PSME3IP1: variants seen among roughly 807,000 people sequenced by gnomAD.
PSME3IP1 encodes the protein PSME3-interacting protein.
A neutral mutation model predicts 34.1 loss-of-function variants in PSME3IP1; 13 were observed. The observed-to-expected ratio is 0.38, with a 90% CI of 0.25 to 0.61. The LOEUF (loss-of-function observed/expected upper bound fraction) is 0.61, where lower values mean the gene tolerates loss of function less well. PSME3IP1 is among the 20% of genes least tolerant of loss of function. The pLI, the probability that PSME3IP1 is intolerant of heterozygous loss-of-function variation, is 0.60. For synonymous variants in PSME3IP1, 93 were observed against 114.3 expected, an observed-to-expected ratio of 0.81 and a Z score of 1.19; for missense variants, 237 against 301.4, an observed-to-expected ratio of 0.79 and a Z score of 1.58.
At chr16:57,185,421 G>A (rs1245420102) in intron 1 of PSME3IP1, 4 of 757,690 alleles carry the variant, frequency 5.3e-6, no homozygotes, top group Non-Finnish European at 6.4e-6. Flanking sequence ...TTCCCATCCT[G>A]CACTGCCATT....
intron 6 of PSME3IP1, among the ~76,000 whole-genome samples, chr16:57,160,670 G>A (rs2071124495): frequency 6.6e-6 from 1 of 152,192 alleles, no homozygotes; most frequent in Non-Finnish European, 1.5e-5. Context: ...ATATACCCAT[G>A]CAATATACAA....
At position 57,154,543 on chromosome 16, in the gene PSME3IP1, C is replaced by A. The variant is rs1472903437; in HGVS notation, c.548-36G>T. ...AGGGGAAAGACTGTCACTTCATCACCCTTTTCCAAAGTTGGGGACTGACTT... is the reference window on the plus strand; with the variant it reads ...AGGGGAAAGACTGTCACTTCATCACACTTTTCCAAAGTTGGGGACTGACTT... On this transcript the variant is annotated intron_variant, in intron 6 of 6. Coordinates refer to ENST00000309137, the MANE Select transcript of PSME3IP1 (RefSeq NM_024946.4). This position sits in a 1 kb window ranked among gnomAD's most constrained non-coding sequence, Gnocchi z 4.0. 3 of 1,532,606 alleles carry A rather than the reference C, an allele frequency of 2.0e-6. No individual in the cohort carries two copies. The highest frequency in any genetic ancestry group is 2.6e-6 in the Non-Finnish European group (3 of 1,134,644). The allele number at this position is 1,532,606 out of a possible 1,614,324, so 94.9% of individuals were successfully genotyped here.
chr16:57,170,185 C>T (rs1597686279), intron 4 of PSME3IP1, among the ~76,000 whole-genome samples: 3 of 151,490 alleles, frequency 2.0e-5, no homozygotes, highest in South Asian at 2.1e-4. Context: ...CAGGTTCAAG[C>T]GATTCTCCTG....
chr16:57,174,356 A>AT (rs2072974156), intron 1 of PSME3IP1: 14 of 784,252 alleles, frequency 1.8e-5, no homozygotes, highest in Non-Finnish European at 2.2e-5. Context: ...ACATGAATAC[A>AT]TTTTTCCTGA....
intron 6 of PSME3IP1, among the ~76,000 whole-genome samples, chr16:57,161,372 G>A (rs2071206004): frequency 6.6e-6 from 1 of 152,082 alleles, no homozygotes; most frequent in African/African-American, 2.4e-5. Flanking sequence ...ATGGTCAACT[G>A]ATTTTTAAAA....
chr16:57,160,817 A>T (rs1205462253), intron 6 of PSME3IP1, among the ~76,000 whole-genome samples: 1 of 152,238 alleles, frequency 6.6e-6, no homozygotes, highest in African/African-American at 2.4e-5. Context: ...GAAAGTATGA[A>T]AACAGTATAT....
chr16:57,172,473 A>T (rs923995841), intron 3 of PSME3IP1, 101 bp from the exon 4 acceptor site: 4 of 728,440 alleles, frequency 5.5e-6, no homozygotes, highest in African/African-American at 1.9e-5. Context: ...TCAGGGGATT[A>T]AAAAAAAAAG....
Position 57,185,896 on chromosome 16 carries a change from T to A in PSME3IP1, c.-91A>T, listed in dbSNP as rs1021218442. ...AAACCGCCACCGCAGAGCCGCTCGCTCTTAAAAAAGAAAAAAAAATGAAAG... is the reference window on the plus strand; with the variant it reads ...AAACCGCCACCGCAGAGCCGCTCGCACTTAAAAAAGAAAAAAAAATGAAAG... On this transcript the variant is annotated 5_prime_UTR_variant, in exon 1 of 7. Transcript: ENST00000309137. The A allele has an allele frequency of 1.4e-4, 133 of 978,394 alleles. No individual in the cohort carries two copies. The highest frequency in any genetic ancestry group is 7.6e-4 in the South Asian group (16 of 21,096). 60.6% of individuals were successfully genotyped at this position (978,394 alleles called of 1,614,324 possible). A position where few individuals can be genotyped will look rare whatever the true frequency, so the allele number is the denominator to read the frequency against.
chr16:57,180,504 C>T (rs1295661437), intron 1 of PSME3IP1, among the ~76,000 whole-genome samples: 1 of 151,898 alleles, frequency 6.6e-6, no homozygotes, highest in Non-Finnish European at 1.5e-5. Context: ...GCAGGAGAAT[C>T]GCTTGAACCC....
rs201042159 is a variant in PSME3IP1, at chr16:57,167,126, G to A, written c.449C>T (p.Ala150Val). Reference sequence around the variant, plus strand: ...CTTCACAGCTCCTGCCAACAGCTTCGCCTGGGAGAACTTGTTCTTGGTTTC... The same window carrying A: ...CTTCACAGCTCCTGCCAACAGCTTCACCTGGGAGAACTTGTTCTTGGTTTC... Reference protein sequence around the residue: ...PIETKNKFSQAKLLAGAVKHK... With the variant: ...PIETKNKFSQVKLLAGAVKHK... The change falls in exon 5 of 7, where the codon GCG (alanine) becomes GTG (valine). Residue 150 changes from alanine to valine, a missense_variant. Ala to Val is a moderately conservative substitution (Grantham distance 64). Transcript: ENST00000309137. The A allele has an allele frequency of 1.7e-5, 27 of 1,613,880 alleles. No homozygotes were observed. Among genetic ancestry groups the A allele is most frequent in the South Asian group, 4.4e-5 (4 of 91,082 alleles).
chr16:57,167,226 T>C lies in PSME3IP1; in HGVS notation c.349A>G (p.Asn117Asp). 2 of 1,614,232 alleles carry C rather than the reference T, an allele frequency of 1.2e-6. No homozygotes were observed. Among genetic ancestry groups the C allele is most frequent in the Non-Finnish European group, 1.7e-6 (2 of 1,180,042 alleles). The change falls in exon 5 of 7, where the codon AAT becomes GAT. Residue 117 changes from asparagine to aspartate, a missense_variant and splice_region_variant. Physicochemically the swap from Asn to Asp is conservative, Grantham distance 23. Coordinates refer to ENST00000309137, the MANE Select transcript of PSME3IP1 (RefSeq NM_024946.4). ...GAAATTCCAACCTTCTTGAGGTTAT[T>C]GTGAGTTACCAGTTAAGGGTCAAAC... ...EELKELKEYR[N>D]NLKKVGISQE...
At chr16:57,156,628 C>CA (rs373230961) in intron 6 of PSME3IP1, among the ~76,000 whole-genome samples, 77 of 151,220 alleles carry the variant, frequency 5.1e-4, no homozygotes, top group African/African-American at 1.7e-3. Flanking sequence ...AGCAAGGCTA[C>CA]AAAAAAAAGG....
At position 57,171,217 on chromosome 16, in the gene PSME3IP1, G is replaced by C. The variant is rs1440660149; in HGVS notation, c.348+1034C>G. Reference sequence around the variant, plus strand: ...CAGAACATTTTGGGCTGAGGAAACAGCAAGTCTGAGGCCCTGAGATTGACT... The same window carrying C: ...CAGAACATTTTGGGCTGAGGAAACACCAAGTCTGAGGCCCTGAGATTGACT... On this transcript the variant is annotated intron_variant, in intron 4 of 6. Coordinates refer to ENST00000309137, the MANE Select transcript of PSME3IP1 (RefSeq NM_024946.4). 3.3e-5 allele frequency among the ~76,000 whole-genome samples: 5 copies of C among 152,282 alleles called. No individual in the cohort carries two copies. In the East Asian group the frequency reaches 9.6e-4, roughly 29 times the overall value.
chr16:57,162,430 C>T (rs946269306), intron 6 of PSME3IP1, among the ~76,000 whole-genome samples: 10 of 151,760 alleles, frequency 6.6e-5, no homozygotes, highest in Admixed American at 2.0e-4. Flanking sequence ...TTTGGGAGGC[C>T]GAGGCAGGTG....
At chr16:57,179,557 G>A (rs1268163390) in intron 1 of PSME3IP1, among the ~76,000 whole-genome samples, 1 of 152,124 alleles carries the variant, frequency 6.6e-6, no homozygotes, top group Non-Finnish European at 1.5e-5. Flanking sequence ...TTCCTAACTT[G>A]AAAAATGACT....
At chr16:57,174,829 A>C (rs2073021956) in intron 1 of PSME3IP1, 1 of 322,578 alleles carries the variant, frequency 3.1e-6, no homozygotes, top group African/African-American at 2.3e-5. Context: ...CCTCCCTGTA[A>C]ACCCCTTGTC....
chr16:57,167,154 T>G lies in PSME3IP1; in HGVS notation c.421A>C (p.Ile141Leu), dbSNP rs143746498. Residue 141 changes from isoleucine (I) to leucine (L), a missense_variant, in exon 5 of 7, where the codon ATA (isoleucine) becomes CTA (leucine). By Grantham distance (5) the Ile-to-Leu change is conservative (BLOSUM62 2). Coordinates refer to ENST00000309137, the MANE Select transcript of PSME3IP1 (RefSeq NM_024946.4). Reference sequence around the variant, plus strand: ...TGGGAGAACTTGTTCTTGGTTTCTATAGGCTTCACAGTCAGTTTCTTTTCC... The same window carrying G: ...TGGGAGAACTTGTTCTTGGTTTCTAGAGGCTTCACAGTCAGTTTCTTTTCC... ...EVEKKLTVKPIETKNKFSQAK... is the reference protein window; with the variant it reads ...EVEKKLTVKPLETKNKFSQAK... 9 of 1,614,198 alleles carry G rather than the reference T, an allele frequency of 5.6e-6. No homozygotes were observed. Among genetic ancestry groups the G allele is most frequent in the African/African-American group, 1.3e-5 (1 of 75,070 alleles).
At chr16:57,175,485 T>A (rs957811379) in intron 1 of PSME3IP1, 3 of 152,268 alleles carry the variant, frequency 2.0e-5, no homozygotes, top group East Asian at 1.9e-4. Flanking sequence ...ACAAAAACAG[T>A]AAGTTTCCAC....
chr16:57,165,846 A>C (rs1376590490), intron 5 of PSME3IP1, among the ~76,000 whole-genome samples: 1 of 152,160 alleles, frequency 6.6e-6, no homozygotes, highest in Non-Finnish European at 1.5e-5. Context: ...AGGTGATCTA[A>C]GAACTAAGGG....
Sources: allele counts gnomAD v4.1 joint callset (sites outside exome capture counted in the v4.1 genomes callset), GRCh38; gene constraint gnomAD v4.1.1; non-coding constraint Gnocchi (gnomAD v3.1); transcripts MANE v1.5; gene names NCBI Gene and HGNC (gene_info 2026-07-23, HGNC 2026-07-21).